The following ADCY2 variants were observed in gnomAD, a reference collection of about 807,000 sequenced individuals.
The protein encoded by ADCY2 is adenylate cyclase type 2.
Under a neutral mutation model 125.2 loss-of-function variants are expected in ADCY2, and 31 were observed. The ratio of observed to expected loss-of-function variants is 0.25; its 90% confidence interval spans 0.19 to 0.33. The LOEUF (loss-of-function observed/expected upper bound fraction) is 0.33, where lower values mean the gene tolerates loss of function less well. ADCY2 is among the 10% of genes least tolerant of loss of function. ADCY2 has a pLI of 1.00. For synonymous variants in ADCY2, 512 were observed against 548.4 expected (o/e 0.93, Z 0.93); for missense variants, 904 against 1,418.2 (o/e 0.64, Z 5.82).
intron 4 of ADCY2, among the ~76,000 whole-genome samples, chr5:7,632,491 C>G (rs559552823): frequency 6.6e-6 from 1 of 152,182 alleles, no homozygotes; most frequent in South Asian, 2.1e-4. Context: ...GAGGGCATAG[C>G]TTAAGCCAGT....
intron 14 of ADCY2, among the ~76,000 whole-genome samples, chr5:7,737,792 G>C (rs1742291183): frequency 1.3e-5 from 2 of 152,086 alleles, no homozygotes; most frequent in African/African-American, 4.8e-5. Flanking sequence ...AACATTAAAT[G>C]CACCCACAAA....
At chr5:7,775,251 AT>A (rs1743684952) in intron 18 of ADCY2, among the ~76,000 whole-genome samples, 3 of 152,000 alleles carry the variant, frequency 2.0e-5, no homozygotes, top group Admixed American at 2.0e-4. Flanking sequence ...ACATACACGT[AT>A]ATATTTTTAG....
chr5:7,717,309 G>T, intron 12 of ADCY2, 72 bp downstream of exon 12: 1 of 1,063,360 alleles, frequency 9.4e-7, no homozygotes. Flanking sequence ...CATGGGCTCT[G>T]CAATAGTTAC....
rs1190085345 is a variant in ADCY2 at position 7,589,112 on chromosome 5, TGGTCC to T, written c.571-37054_571-37050del. The stretch of plus-strand genomic sequence containing the variant: ...CTAACTGATTTGCAAGGCACTGTAA[TGGTCC>T]TTAATAGCCACTTGATAATTGCACA... On this transcript the variant is annotated intron_variant, in intron 3 of 24. Transcript: ENST00000338316. Among the ~76,000 whole-genome samples the T allele has an allele frequency of 5.9e-5, 9 of 152,158 alleles. 1 individual carries two copies. Among genetic ancestry groups the T allele is most frequent in the African/African-American group, 2.2e-4 (9 of 41,444 alleles).
intron 3 of ADCY2, among the ~76,000 whole-genome samples, chr5:7,525,810 A>G (rs78880833): frequency 0.11 from 16,761 of 152,096 alleles, 1,042 homozygotes; most frequent in Non-Finnish European, 0.13. Flanking sequence ...AGCTTCCATG[A>G]TTTATGATAG....
At chr5:7,659,406 G>A (rs1162857612) in intron 4 of ADCY2, among the ~76,000 whole-genome samples, 1 of 152,210 alleles carries the variant, frequency 6.6e-6, no homozygotes, top group East Asian at 1.9e-4. Context: ...CCAGATTGCT[G>A]TACTGTGTTG....
At chr5:7,560,881 T>C (rs1397305667) in intron 3 of ADCY2, among the ~76,000 whole-genome samples, 1 of 152,106 alleles carries the variant, frequency 6.6e-6, no homozygotes, top group African/African-American at 2.4e-5. Flanking sequence ...TAGAGACAGG[T>C]TTTGCCATGT....
intron 3 of ADCY2, among the ~76,000 whole-genome samples, chr5:7,583,563 C>T (rs1458176545): frequency 2.6e-5 from 4 of 152,028 alleles, no homozygotes; most frequent in Admixed American, 2.6e-4. Context: ...TGAGATAACA[C>T]TACCCATATA....
intron 2 of ADCY2, among the ~76,000 whole-genome samples, chr5:7,434,501 A>G (rs1740722306): frequency 6.6e-6 from 1 of 152,212 alleles, no homozygotes; most frequent in Admixed American, 6.5e-5. Flanking sequence ...GATGGGATTC[A>G]GAAGCTGGAT....
chr5:7,525,226 C>T (rs1734416917), intron 3 of ADCY2, among the ~76,000 whole-genome samples: 1 of 152,092 alleles, frequency 6.6e-6, no homozygotes, highest in African/African-American at 2.4e-5. Flanking sequence ...AGGCTGGTCT[C>T]GAACTCCTGA....
intron 2 of ADCY2, among the ~76,000 whole-genome samples, chr5:7,458,082 G>T (rs189727003): frequency 6.6e-6 from 1 of 152,284 alleles, no homozygotes; most frequent in East Asian, 1.9e-4. Flanking sequence ...CATGTCCTCA[G>T]GGATACTGGG....
intron 3 of ADCY2, among the ~76,000 whole-genome samples, chr5:7,526,904 G>T (rs568309319): frequency 6.6e-6 from 1 of 152,088 alleles, no homozygotes; most frequent in South Asian, 2.1e-4. Flanking sequence ...TATTATCCAC[G>T]TTAAGAATAT....
chr5:7,614,101 C>T (rs1737669278), intron 3 of ADCY2, among the ~76,000 whole-genome samples: 1 of 152,190 alleles, frequency 6.6e-6, no homozygotes, highest in Non-Finnish European at 1.5e-5. Context: ...TATCCATAGT[C>T]ATCAAACCTA....
chr5:7,595,482 A>G (rs1158703662), intron 3 of ADCY2, among the ~76,000 whole-genome samples: 1 of 152,194 alleles, frequency 6.6e-6, no homozygotes, highest in African/African-American at 2.4e-5. Context: ...CATAGCATGA[A>G]CCTTCAAGGA....
chr5:7,498,483 C>G (rs528626661), intron 2 of ADCY2, among the ~76,000 whole-genome samples: 59 of 152,110 alleles, frequency 3.9e-4, no homozygotes, highest in Middle Eastern at 3.4e-3. Flanking sequence ...CTCCTGACCT[C>G]GTGATCCGCC....
intron 3 of ADCY2, among the ~76,000 whole-genome samples, chr5:7,581,823 A>AG (rs2126613160): frequency 2.0e-5 from 3 of 151,768 alleles, no homozygotes; most frequent in East Asian, 1.9e-4. Flanking sequence ...CAGTCTCAAA[A>AG]AAAAAAAAAA....
intron 3 of ADCY2, among the ~76,000 whole-genome samples, chr5:7,570,779 A>C (rs1736043165): frequency 6.6e-6 from 1 of 152,140 alleles, no homozygotes; most frequent in African/African-American, 2.4e-5. Flanking sequence ...TCACAATTCA[A>C]ATATTGTATT....
rs1229584856 is a variant in ADCY2, at chr5:7,579,297, A to G, written c.571-46870A>G. ...TTTGGCCTTAGGGGAAACCCCACTC[A>G]GTGCCAGTTGGGATGGATAAAATTT... On this transcript the variant is annotated intron_variant, in intron 3 of 24. Coordinates refer to ENST00000338316, the MANE Select transcript of ADCY2 (RefSeq NM_020546.3). Among the ~76,000 whole-genome samples, 8 of 152,340 alleles carry G rather than the reference A, an allele frequency of 5.3e-5. No individual in the cohort carries two copies. In the East Asian group the frequency reaches 1.4e-3, roughly 26 times the overall value.
intron 18 of ADCY2, among the ~76,000 whole-genome samples, chr5:7,781,920 A>G (rs953809773): frequency 6.6e-6 from 1 of 152,188 alleles, no homozygotes; most frequent in African/African-American, 2.4e-5. Flanking sequence ...AACAGCATCT[A>G]TCCACAAGTG....
Sources: allele counts gnomAD v4.1 joint callset (sites outside exome capture counted in the v4.1 genomes callset), GRCh38; gene constraint gnomAD v4.1.1; transcripts MANE v1.5; gene names NCBI Gene and HGNC (gene_info 2026-07-23, HGNC 2026-07-21).